Variants in NLGN4Y observed in about 807,000 individuals in gnomAD.
The protein encoded by NLGN4Y is neuroligin-4, Y-linked.
In NLGN4Y, 4 loss-of-function variants were observed where a neutral mutation model predicts 8.4. That is an observed-to-expected ratio of 0.48 (90% confidence interval 0.23 to 1.09). NLGN4Y has a LOEUF of 1.09. Ranked by LOEUF, NLGN4Y falls within the 50% of genes least tolerant of loss-of-function variation. The probability of loss-of-function intolerance (pLI) is 0.19; values close to 1 mark genes in which losing one functional copy is unlikely to be tolerated. For missense variants in NLGN4Y, 90 were observed against 192.3 expected, an observed-to-expected ratio of 0.47 and a Z score of 3.15; for synonymous variants, 35 against 75.6, an observed-to-expected ratio of 0.46 and a Z score of 2.78.
intron 4 of NLGN4Y, among the ~76,000 whole-genome samples, chrY:14,768,389 C>T: frequency 3.0e-5 from 1 of 33,190 alleles, no homozygotes; most frequent in Non-Finnish European, 7.4e-5. Flanking sequence ...CATGTGTTTG[C>T]TGTAGGCAAA....
chrY:14,630,420 A>T (rs776021339), intron 2 of NLGN4Y, among the ~76,000 whole-genome samples: 41 of 33,279 alleles, frequency 1.2e-3, no homozygotes, highest in Admixed American at 3.3e-3. Context: ...CTGACACCTC[A>T]ATTCTATCCC....
At chrY:14,657,773 G>A in intron 2 of NLGN4Y, among the ~76,000 whole-genome samples, 1 of 33,409 alleles carries the variant, frequency 3.0e-5, no homozygotes, top group Non-Finnish European at 7.4e-5. Flanking sequence ...CATAAGAGAT[G>A]TCTCTATTCT....
intron 4 of NLGN4Y, among the ~76,000 whole-genome samples, chrY:14,819,589 T>G: frequency 3.1e-5 from 1 of 32,621 alleles, no homozygotes; most frequent in African/African-American, 1.2e-4. Flanking sequence ...TGGATATTTC[T>G]TTGCTTGTTC....
At chrY:14,726,994 C>T (rs1603503258) in intron 4 of NLGN4Y, among the ~76,000 whole-genome samples, 1 of 32,594 alleles carries the variant, frequency 3.1e-5, no homozygotes, top group South Asian at 7.2e-4. Context: ...CTGAGATGCA[C>T]GAATCAGTGG....
At chrY:14,604,182 A>G (rs780309245) in intron 1 of NLGN4Y, among the ~76,000 whole-genome samples, 2 of 33,183 alleles carry the variant, frequency 6.0e-5, no homozygotes, top group South Asian at 1.4e-3. Context: ...TCTTTTCCAA[A>G]GTCATAAGGA....
At chrY:14,811,165 C>T (rs1234613610) in intron 4 of NLGN4Y, among the ~76,000 whole-genome samples, 1 of 33,456 alleles carries the variant, frequency 3.0e-5, no homozygotes, top group African/African-American at 1.2e-4. Flanking sequence ...ACTGAAGCCT[C>T]ACCTTTTAAT....
chrY:14,573,952 G>A, intron 1 of NLGN4Y, among the ~76,000 whole-genome samples: 1 of 33,743 alleles, frequency 3.0e-5, no homozygotes, highest in Non-Finnish European at 7.3e-5. Context: ...TTGCACTGTG[G>A]TCTGAGAGAC....
intron 1 of NLGN4Y, among the ~76,000 whole-genome samples, chrY:14,613,440 A>G (rs765090828): frequency 1.6e-3 from 54 of 33,366 alleles, no homozygotes; most frequent in African/African-American, 3.9e-3. Context: ...TTGTTTGTTT[A>G]TTTATTTATT....
intron 1 of NLGN4Y, among the ~76,000 whole-genome samples, chrY:14,614,823 T>G (rs2150504666): frequency 3.0e-5 from 1 of 33,494 alleles, no homozygotes; most frequent in South Asian, 6.6e-4. Context: ...CCATGCCATT[T>G]TGGTTACTGT....
At chrY:14,827,939 G>A in intron 5 of NLGN4Y, among the ~76,000 whole-genome samples, 1 of 33,227 alleles carries the variant, frequency 3.0e-5, no homozygotes, top group African/African-American at 1.2e-4. Context: ...AAGATCAAAA[G>A]GAGATGAAAG....
intron 1 of NLGN4Y, among the ~76,000 whole-genome samples, chrY:14,588,153 A>G: frequency 3.0e-5 from 1 of 33,701 alleles, no homozygotes; most frequent in African/African-American, 1.2e-4. Context: ...GAGGATATTT[A>G]TTGTTCTAAA....
chrY:14,661,193 A>C, intron 2 of NLGN4Y, among the ~76,000 whole-genome samples: 1 of 33,989 alleles, frequency 2.9e-5, no homozygotes, highest in Non-Finnish European at 7.3e-5. Context: ...CTTTGCAGCA[A>C]CGTGCATGTG....
At chrY:14,765,198 G>T (rs2081090579) in intron 4 of NLGN4Y, among the ~76,000 whole-genome samples, 1 of 33,469 alleles carries the variant, frequency 3.0e-5, no homozygotes, top group African/African-American at 1.2e-4. Context: ...CTTATAAAAT[G>T]CTCTGCCAAT....
At chrY:14,836,105 G>C in intron 6 of NLGN4Y, among the ~76,000 whole-genome samples, 1 of 33,293 alleles carries the variant, frequency 3.0e-5, no homozygotes, top group Non-Finnish European at 7.4e-5. Context: ...AGGGAAGCAA[G>C]TGCCCAGGCC....
chrY:14,586,776 C>T, intron 1 of NLGN4Y, among the ~76,000 whole-genome samples: 1 of 31,806 alleles, frequency 3.1e-5, no homozygotes, highest in African/African-American at 1.2e-4. Flanking sequence ...TGCAGTGAAC[C>T]GAGATCACAC....
At chrY:14,678,546 A>G (rs2080757909) in intron 2 of NLGN4Y, among the ~76,000 whole-genome samples, 1 of 33,383 alleles carries the variant, frequency 3.0e-5, no homozygotes, top group Non-Finnish European at 7.4e-5. Context: ...ATCAAGACGG[A>G]AAGAAGTTAC....
intron 1 of NLGN4Y, among the ~76,000 whole-genome samples, chrY:14,529,375 T>TA (rs2080103382): frequency 3.0e-5 from 1 of 32,914 alleles, no homozygotes; most frequent in South Asian, 6.9e-4. Flanking sequence ...TGGTGACTTG[T>TA]GGTTTGTTTT....
At chrY:14,745,209 C>T in intron 4 of NLGN4Y, among the ~76,000 whole-genome samples, 1 of 33,911 alleles carries the variant, frequency 2.9e-5, no homozygotes, top group Non-Finnish European at 7.3e-5. Context: ...ATTTACTAAC[C>T]ACTTATCATT....
chrY:14,783,766 A>G, intron 4 of NLGN4Y, among the ~76,000 whole-genome samples: 1 of 33,779 alleles, frequency 3.0e-5, no homozygotes, highest in African/African-American at 1.2e-4. Context: ...ATGTGTGCAT[A>G]ATATACATCT....
Sources: allele counts gnomAD v4.1 joint callset (sites outside exome capture counted in the v4.1 genomes callset), GRCh38; gene constraint gnomAD v4.1.1; transcripts MANE v1.5; gene names NCBI Gene and HGNC (gene_info 2026-07-23, HGNC 2026-07-21).